Variants in MED14 observed in about 807,000 individuals in gnomAD.
The protein encoded by MED14 is mediator complex subunit 14.
Under a neutral mutation model 109.0 loss-of-function variants are expected in MED14, and 8 were observed. That is an observed-to-expected ratio of 0.07 (90% CI 0.04 to 0.13). The LOEUF (loss-of-function observed/expected upper bound fraction) is 0.13. MED14 is among the 10% of genes least tolerant of loss of function. MED14 has a pLI of 1.00. For synonymous variants in MED14, 399 were observed against 408.7 expected, an observed-to-expected ratio of 0.98 and a Z score of 0.29; for missense variants, 711 against 1,142.4, an observed-to-expected ratio of 0.62 and a Z score of 5.44.
rs1379477157 is a variant in MED14, at chrX:40,648,691, T to C, written c.*3115A>G. The C allele has an allele frequency of 8.9e-6, 1 of 112,596 alleles. No individual in the cohort carries two copies. Among genetic ancestry groups the C allele is most frequent in the African/African-American group, 3.2e-5 (1 of 30,894 alleles). 9.3% of individuals were successfully genotyped at this position (112,596 alleles called of 1,213,427 possible). On this transcript the variant is annotated 3_prime_UTR_variant, in exon 31 of 31. Coordinates refer to ENST00000324817, the MANE Select transcript of MED14 (RefSeq NM_004229.4). ...ATTTTATATTGACCTAAATATGCCC[T>C]TTCATCAATCAGTTATATTCTTGGG... is the stretch of plus-strand genomic sequence containing the variant.
chrX:40,726,998 T>C, intron 2 of MED14, 147 bp from the exon 3 acceptor site: 2 of 462,097 alleles, frequency 4.3e-6, no homozygotes, highest in South Asian at 8.7e-5. Flanking sequence ...TTTATCTAAA[T>C]ATGAACTATT....
intron 27 of MED14, 44 bp downstream of exon 27, chrX:40,659,384 T>C (rs759966437): frequency 3.4e-6 from 4 of 1,172,131 alleles, no homozygotes; most frequent in Middle Eastern, 2.4e-4. Flanking sequence ...TTAATGCTTC[T>C]GTTTCATTAA....
At chrX:40,722,275 T>A (rs1266614028) in intron 3 of MED14, among the ~76,000 whole-genome samples, 1 of 111,895 alleles carries the variant, frequency 8.9e-6, no homozygotes, top group Non-Finnish European at 1.9e-5. Flanking sequence ...ATAATTTTTT[T>A]AAAAATCAAG....
chrX:40,652,774 A>G (rs1735737158), intron 30 of MED14, among the ~76,000 whole-genome samples: 1 of 111,419 alleles, frequency 9.0e-6, no homozygotes. Flanking sequence ...TGTAATTATT[A>G]CAAGTATTTA....
intron 20 of MED14, among the ~76,000 whole-genome samples, chrX:40,680,353 T>TA (rs773812687): frequency 1.8e-5 from 2 of 111,774 alleles, no homozygotes; most frequent in South Asian, 7.4e-4. Context: ...TTATCAGCCT[T>TA]AGTCATTAAA....
chrX:40,703,549 G>T lies in MED14; in HGVS notation c.1306C>A (p.Pro436Thr), dbSNP rs756077240. Residue 436 changes from proline to threonine, a missense_variant, in exon 11 of 31, where the codon CCA (proline) becomes ACA (threonine). Pro to Thr is a conservative substitution (Grantham distance 38). Transcript: ENST00000324817. ...NENSSIETAL[P>T]ALVVPILEPC... is the part of the protein sequence containing the mutation. The stretch of plus-strand genomic sequence containing the variant: ...TCCAAGATGGGAACAACAAGAGCTG[G>T]GAGTGCAGTCTCTATGGAAGCTGAA... 8.4e-7 allele frequency: 1 copy of T among 1,187,027 alleles called. No individual in the cohort carries two copies. Among genetic ancestry groups the T allele is most frequent in the South Asian group, 1.8e-5 (1 of 54,537 alleles).
chrX:40,729,327 A>G lies in MED14; in HGVS notation c.234T>C (p.Asp78=). 8.4e-7 allele frequency: 1 copy of G among 1,191,471 alleles called. No individual in the cohort carries two copies. The highest frequency in any genetic ancestry group is 1.1e-6 in the Non-Finnish European group (1 of 889,157). ...TTTTTTTCCATACTCACCTTTCCAC[A>G]TCAGATTTCCTTGGCAGTCTAAGAA... ...VLTDLLPRKS[D]VERKIEIVQF... The change falls in exon 2 of 31, where the codon GAT becomes GAC. Residue 78 remains aspartate, a synonymous_variant. Coordinates refer to ENST00000324817, the MANE Select transcript of MED14 (RefSeq NM_004229.4).
chrX:40,726,782 T>C lies in MED14; in HGVS notation c.312A>G (p.Lys104=). ...QLFVRLLALV[K]WANNAGKVEK... ...CCACTTTGCCAGCATTATTAGCCCA[T>C]TTCACTAAAGCTAATAATCGAACGA... The change falls in exon 3 of 31, where the codon AAA becomes AAG. Residue 104 remains lysine, a synonymous_variant. Coordinates refer to ENST00000324817, the MANE Select transcript of MED14 (RefSeq NM_004229.4). 9.1e-6 allele frequency: 11 copies of C among 1,208,765 alleles called. No homozygotes were observed. The highest frequency in any genetic ancestry group is 1.2e-5 in the Non-Finnish European group (11 of 893,794).
At chrX:40,677,861 G>A (rs1230017118) in intron 21 of MED14, among the ~76,000 whole-genome samples, 1 of 111,774 alleles carries the variant, frequency 8.9e-6, no homozygotes, top group Non-Finnish European at 1.9e-5. Context: ...GTCACATAAT[G>A]TTCAACAGTG....
At chrX:40,705,425 T>C (rs1351419508) in intron 10 of MED14, among the ~76,000 whole-genome samples, 1 of 111,966 alleles carries the variant, frequency 8.9e-6, no homozygotes, top group Non-Finnish European at 1.9e-5. Flanking sequence ...GATAACACAG[T>C]TCAAAAGACA....
At chrX:40,692,687 C>T in intron 14 of MED14, 21 bp downstream of exon 14, 1 of 1,183,628 alleles carries the variant, frequency 8.4e-7, no homozygotes, top group Non-Finnish European at 1.1e-6. Context: ...ATTCTGTGCT[C>T]ATTTTCATAT....
At position 40,682,702 on chromosome X, in the gene MED14, G is replaced by T. The variant is rs1338147934; in HGVS notation, c.2266C>A (p.Pro756Thr). ...TCAACCACCTTTCTACCACCAACAGGCTCAGACAACAGATTTTCATATGTC... is the reference window on the plus strand; with the variant it reads ...TCAACCACCTTTCTACCACCAACAGTCTCAGACAACAGATTTTCATATGTC... ...YLTYENLLSE[P>T]VGGRKVVEMF... The change falls in exon 18 of 31, where the codon CCT (proline) becomes ACT (threonine). Residue 756 changes from proline to threonine, a missense_variant. Coordinates refer to ENST00000324817, the MANE Select transcript of MED14 (RefSeq NM_004229.4). The T allele has an allele frequency of 1.2e-5, 14 of 1,204,865 alleles. No homozygotes were observed. Among genetic ancestry groups the T allele is most frequent in the Non-Finnish European group, 1.6e-5 (14 of 891,667 alleles).
intron 12 of MED14, among the ~76,000 whole-genome samples, chrX:40,700,624 T>C (rs1279990512): frequency 9.0e-6 from 1 of 110,805 alleles, no homozygotes; most frequent in Non-Finnish European, 1.9e-5. Context: ...TTTGTTAGAG[T>C]TGCTATAAGG....
rs1930128404 is a variant in MED14 at position 40,681,939 on chromosome X, T to C, written c.2370A>G (p.Ile790Met). 1 of 1,047,240 alleles carries C rather than the reference T, an allele frequency of 9.5e-7. No individual in the cohort carries two copies. Among genetic ancestry groups the C allele is most frequent in the Non-Finnish European group, 1.3e-6 (1 of 771,510 alleles). The allele number at this position is 1,047,240 out of a possible 1,213,427, so 86.3% of individuals were successfully genotyped here. A position where few individuals can be genotyped will look rare whatever the true frequency, so the allele number is the denominator to read the frequency against. ...CTGAGAAAATATTTAGATGAGCAGGTATGTCTAAACAGAAGGAAACAAAAA... is the reference window on the plus strand; with the variant it reads ...CTGAGAAAATATTTAGATGAGCAGGCATGTCTAAACAGAAGGAAACAAAAA... ...VLEFARSLPD[I>M]PAHLNIFSEV... The change falls in exon 19 of 31, where the codon ATA becomes ATG. Residue 790 changes from isoleucine (I) to methionine (M), a missense_variant. Coordinates refer to ENST00000324817, the MANE Select transcript of MED14 (RefSeq NM_004229.4).
chrX:40,734,312 G>A (rs952633243), intron 1 of MED14, among the ~76,000 whole-genome samples: 1 of 112,053 alleles, frequency 8.9e-6, no homozygotes, highest in Non-Finnish European at 1.9e-5. Flanking sequence ...CGTTTTACAG[G>A]AGTTAAGTAG....
intron 10 of MED14, among the ~76,000 whole-genome samples, chrX:40,705,137 C>T (rs186782917): frequency 8.9e-6 from 1 of 111,971 alleles, no homozygotes; most frequent in African/African-American, 3.2e-5. Context: ...ATAATTCAGA[C>T]CAATGTGACA....
intron 15 of MED14, among the ~76,000 whole-genome samples, chrX:40,690,683 G>C (rs1930468164): frequency 9.0e-6 from 1 of 111,286 alleles, no homozygotes; most frequent in African/African-American, 3.3e-5. Flanking sequence ...CCAAAGTGCT[G>C]GGACTACAGG....
In MED14 at chrX:40,735,429, G is replaced by A. The variant is rs1932229398; in HGVS notation, c.-17C>T. 1.8e-6 allele frequency: 2 copies of A among 1,119,388 alleles called. No homozygotes were observed. Among genetic ancestry groups the A allele is most frequent in the South Asian group, 2.1e-5 (1 of 47,912 alleles). The allele number at this position is 1,119,388 out of a possible 1,213,427, so 92.3% of individuals were successfully genotyped here. A position where few individuals can be genotyped will look rare whatever the true frequency, so the allele number is the denominator to read the frequency against. On this transcript the variant is annotated 5_prime_UTR_variant, in exon 1 of 31. Coordinates refer to ENST00000324817, the MANE Select transcript of MED14 (RefSeq NM_004229.4). Reference sequence around the variant, plus strand: ...TGGGGCCATGGCGGCGCAGGACCGGGCTTGGCGCAACGGCACACGATGCGG... The same window carrying A: ...TGGGGCCATGGCGGCGCAGGACCGGACTTGGCGCAACGGCACACGATGCGG...
intron 16 of MED14, among the ~76,000 whole-genome samples, chrX:40,684,593 C>A (rs988718261): frequency 8.9e-6 from 1 of 112,439 alleles, no homozygotes; most frequent in Admixed American, 9.4e-5. Context: ...ATACTGAGGA[C>A]TTGCCTGCCC....
Sources: gnomAD v4.1 joint callset for allele counts (sites outside exome capture counted in the v4.1 genomes callset) on GRCh38, gnomAD v4.1.1 for gene constraint, MANE v1.5 for transcripts, NCBI Gene and HGNC (gene_info 2026-07-23, HGNC 2026-07-21) for gene names.